The following XRN2 variants were observed in gnomAD, a reference collection of about 807,000 sequenced individuals.
XRN2 encodes 5'-3' exoribonuclease 2.
A neutral mutation model predicts 138.5 loss-of-function variants in XRN2; 44 were observed. The observed-to-expected ratio is 0.32, with a 90% CI of 0.25 to 0.41. XRN2 has a LOEUF of 0.41. Ranked by LOEUF, XRN2 falls within the 10% of genes least tolerant of loss-of-function variation. The pLI is 1.00. For missense variants in XRN2, 937 were observed against 1,169.3 expected, an observed-to-expected ratio of 0.80 and a Z score of 2.90; for synonymous variants, 354 against 369.4, an observed-to-expected ratio of 0.96 and a Z score of 0.48.
intron 1 of XRN2, 44 bp from the exon 2 acceptor site, chr20:21,326,235 A>T (rs991023733): frequency 1.9e-6 from 3 of 1,588,402 alleles, no homozygotes; most frequent in Admixed American, 1.7e-5. Flanking sequence ...TGTCATTTTT[A>T]GACTTGAACA....
chr20:21,386,716 G>T lies in XRN2; in HGVS notation c.2649-152G>T, dbSNP rs980805325. On this transcript the variant is annotated intron_variant, in intron 28 of 29. Coordinates refer to ENST00000377191, the MANE Select transcript of XRN2 (RefSeq NM_012255.5). ...CATGTTAGATTATACTGGATATAAG[G>T]GACACAAAGGCCATTCTGATACTCT... The T allele has an allele frequency of 1.3e-5, 11 of 863,128 alleles. No homozygotes were observed. The African/African-American group carries it at 1.3e-4, about 11-fold the overall frequency. 53.5% of individuals were successfully genotyped at this position (863,128 alleles called of 1,614,324 possible).
intron 1 of XRN2, among the ~76,000 whole-genome samples, chr20:21,321,384 G>A (rs2038042582): frequency 6.7e-6 from 1 of 150,328 alleles, no homozygotes; most frequent in Non-Finnish European, 1.5e-5. Context: ...CTATAGTGCA[G>A]TAGTGGCACA....
At chr20:21,366,230 A>T (rs1172435851) in intron 26 of XRN2, among the ~76,000 whole-genome samples, 9 of 133,850 alleles carry the variant, frequency 6.7e-5, no homozygotes, top group African/African-American at 1.1e-4. Flanking sequence ...ATATATATAT[A>T]TTATATATAT....
At chr20:21,357,601 G>GTTTTTA in intron 23 of XRN2, 135 bp from the exon 24 acceptor site, 1 of 582,120 alleles carries the variant, frequency 1.7e-6, no homozygotes, top group Non-Finnish European at 2.8e-6. Context: ...GATATAAATG[G>GTTTTTA]TTTTTATTGT....
intron 20 of XRN2, among the ~76,000 whole-genome samples, chr20:21,350,631 C>T (rs571985565): frequency 1.8e-4 from 27 of 150,696 alleles, no homozygotes; most frequent in African/African-American, 6.6e-4. Flanking sequence ...ACCTTTTCTT[C>T]CACCATACAT....
chr20:21,359,474 C>T (rs2038612532), intron 24 of XRN2, among the ~76,000 whole-genome samples: 1 of 151,066 alleles, frequency 6.6e-6, no homozygotes, highest in Admixed American at 6.6e-5. Context: ...AGGCCGAGGC[C>T]TCAGTGAGCC....
chr20:21,320,647 T>C (rs1335974432), intron 1 of XRN2, among the ~76,000 whole-genome samples: 1 of 151,978 alleles, frequency 6.6e-6, no homozygotes, highest in Non-Finnish European at 1.5e-5. Flanking sequence ...CAGGTTGGAG[T>C]GCAGTGGCGT....
rs558211713 is a variant in XRN2, at chr20:21,324,283, CTTT to C, written c.76-1994_76-1992del. ...TTCTTCTCTGTTCTGCCTTAAATCC[CTTT>C]TGTTATTCTTTCCCTCCAATTCTAA... On this transcript the variant is annotated intron_variant, in intron 1 of 29. Coordinates refer to ENST00000377191, the MANE Select transcript of XRN2 (RefSeq NM_012255.5). Among the ~76,000 whole-genome samples, 497 of 152,152 alleles carry C rather than the reference CTTT, an allele frequency of 3.3e-3. 2 individuals carry two copies. Among genetic ancestry groups the C allele is most frequent in the Non-Finnish European group, 5.7e-3 (390 of 67,994 alleles).
At chr20:21,345,612 G>C (rs1345530675) in intron 16 of XRN2, among the ~76,000 whole-genome samples, 1 of 152,064 alleles carries the variant, frequency 6.6e-6, no homozygotes, top group Non-Finnish European at 1.5e-5. Flanking sequence ...TTAAATCTTA[G>C]AGAATAAGAA....
chr20:21,383,210 A>C (rs1263576545), intron 28 of XRN2, among the ~76,000 whole-genome samples: 1 of 152,222 alleles, frequency 6.6e-6, no homozygotes. Flanking sequence ...TTTTGATTTT[A>C]GTATATGTTC....
chr20:21,389,182 T>C, intron 29 of XRN2, 91 bp from the exon 30 acceptor site: 3 of 1,171,640 alleles, frequency 2.6e-6, no homozygotes, highest in Non-Finnish European at 3.7e-6. Flanking sequence ...CTCAGTTTCC[T>C]TATGATGTGT....
chr20:21,324,087 A>C (rs1021462712), intron 1 of XRN2, among the ~76,000 whole-genome samples: 1 of 152,150 alleles, frequency 6.6e-6, no homozygotes, highest in African/African-American at 2.4e-5. Context: ...TCTTGCCATC[A>C]TAGAGTTTGT....
intron 14 of XRN2, 37 bp downstream of exon 14, chr20:21,339,125 G>C (rs371243737): frequency 1.2e-5 from 19 of 1,568,760 alleles, no homozygotes; most frequent in Non-Finnish European, 1.7e-5. Flanking sequence ...TGGCAATAGC[G>C]TAATTTTACA....
chr20:21,385,107 G>T (rs1165135797), intron 28 of XRN2, among the ~76,000 whole-genome samples: 1 of 151,940 alleles, frequency 6.6e-6, no homozygotes, highest in Admixed American at 6.6e-5. Context: ...TTAAACTGTG[G>T]CTTTGTTCTT....
intron 9 of XRN2, among the ~76,000 whole-genome samples, chr20:21,333,184 A>G: frequency 6.6e-6 from 1 of 152,216 alleles, no homozygotes; most frequent in Non-Finnish European, 1.5e-5. Context: ...ATAGGTCATC[A>G]GTTGGCAAAC....
At chr20:21,314,493 C>G (rs1470017767) in intron 1 of XRN2, among the ~76,000 whole-genome samples, 1 of 152,072 alleles carries the variant, frequency 6.6e-6, no homozygotes, top group Non-Finnish European at 1.5e-5. Flanking sequence ...ATTTGAAGAA[C>G]TGCCAGCCAC....
chr20:21,372,454 AT>A lies in XRN2; in HGVS notation c.2584+3869del, dbSNP rs1053652988. Reference sequence around the variant, plus strand: ...ACAGATTATGAGGGGAGGAGAGCTAATTTTTAAAATATTTTTAGTGATTTTT... The same window carrying A: ...ACAGATTATGAGGGGAGGAGAGCTAATTTTAAAATATTTTTAGTGATTTTT... On this transcript the variant is annotated intron_variant, in intron 27 of 29. Transcript: ENST00000377191. Among the ~76,000 whole-genome samples the A allele has an allele frequency of 2.4e-4, 36 of 152,206 alleles. 1 individual carries two copies. The highest frequency in any genetic ancestry group is 5.0e-4 in the Non-Finnish European group (34 of 68,030).
intron 27 of XRN2, among the ~76,000 whole-genome samples, chr20:21,373,027 C>G (rs1186586798): frequency 2.0e-5 from 3 of 151,294 alleles, no homozygotes; most frequent in Admixed American, 2.0e-4. Context: ...TTTTTGGTCT[C>G]CCTGAGATGG....
intron 28 of XRN2, 110 bp downstream of exon 28, chr20:21,382,167 A>T (rs1029258558): frequency 8.4e-6 from 7 of 829,914 alleles, no homozygotes; most frequent in Non-Finnish European, 1.2e-5. Flanking sequence ...ACTTTTTCCC[A>T]CCAAAAACAA....
Sources: allele counts gnomAD v4.1 joint callset (sites outside exome capture counted in the v4.1 genomes callset), GRCh38; gene constraint gnomAD v4.1.1; transcripts MANE v1.5; gene names NCBI Gene and HGNC (gene_info 2026-07-23, HGNC 2026-07-21).